Variants in FAM184A observed in about 807,000 individuals in gnomAD.
FAM184A encodes protein FAM184A.
In FAM184A, 99 loss-of-function variants were observed where a neutral mutation model predicts 143.8. The observed-to-expected ratio is 0.69, with a 90% CI of 0.58 to 0.81. FAM184A has a LOEUF of 0.81. Among genes scored for constraint, FAM184A ranks in the 40% least tolerant of loss-of-function variants. FAM184A has a pLI of 0.00. For synonymous variants in FAM184A, 427 were observed against 446.4 expected (o/e 0.96, Z 0.55); for missense variants, 1,217 against 1,310.5 (o/e 0.93, Z 1.10).
intron 9 of FAM184A, among the ~76,000 whole-genome samples, chr6:118,982,144 T>A (rs1261064317): frequency 6.6e-6 from 1 of 152,222 alleles, no homozygotes; most frequent in Non-Finnish European, 1.5e-5. Context: ...TTCTCACCAT[T>A]TTATGCAATG....
chr6:118,972,070 C>T (rs1783713473), intron 14 of FAM184A, among the ~76,000 whole-genome samples: 1 of 152,122 alleles, frequency 6.6e-6, no homozygotes, highest in Non-Finnish European at 1.5e-5. Context: ...TACTGTTTCC[C>T]ACAGCTCCAT....
At chr6:119,095,548 G>A (rs558428668) in intron 1 of FAM184A, among the ~76,000 whole-genome samples, 1 of 152,080 alleles carries the variant, frequency 6.6e-6, no homozygotes, top group South Asian at 2.1e-4. Flanking sequence ...AATAATATAG[G>A]CTTTTATTTT....
chr6:119,055,064 A>G (rs1394308704), intron 1 of FAM184A, among the ~76,000 whole-genome samples: 3 of 152,034 alleles, frequency 2.0e-5, no homozygotes, highest in African/African-American at 7.2e-5. Context: ...CCTTCTCCTC[A>G]CAACCCCTCT....
At chr6:119,015,757 C>T (rs573821669) in intron 5 of FAM184A, among the ~76,000 whole-genome samples, 5 of 152,362 alleles carry the variant, frequency 3.3e-5, no homozygotes, top group East Asian at 1.9e-4. Context: ...AGCCCCGGTG[C>T]GGGATCCACT....
chr6:119,132,738 C>T (rs1217408051), intron 1 of FAM184A, among the ~76,000 whole-genome samples: 1 of 152,238 alleles, frequency 6.6e-6, no homozygotes, highest in Non-Finnish European at 1.5e-5. Flanking sequence ...AACACAGTGA[C>T]CCAAGTCATT....
At chr6:119,116,276 T>A (rs975444897) in intron 1 of FAM184A, among the ~76,000 whole-genome samples, 3 of 151,978 alleles carry the variant, frequency 2.0e-5, no homozygotes, top group Non-Finnish European at 4.4e-5. Flanking sequence ...ATACCGCATG[T>A]CCTCATTTAT....
At chr6:119,130,601 T>C (rs1562162503) in intron 1 of FAM184A, among the ~76,000 whole-genome samples, 2 of 152,198 alleles carry the variant, frequency 1.3e-5, no homozygotes, top group Non-Finnish European at 2.9e-5. Flanking sequence ...ATAAAAAAAT[T>C]AGCAATCTAG....
chr6:118,970,008 A>ATATATATATATATATATATATATTTTTT, intron 14 of FAM184A, among the ~76,000 whole-genome samples: 4 of 19,036 alleles, frequency 2.1e-4, no homozygotes, highest in Non-Finnish European at 4.5e-4. Context: ...ATATATATAT[A>ATATATATATATATATATATATATTTTTT]TTTTTTTTTT....
intron 1 of FAM184A, among the ~76,000 whole-genome samples, chr6:119,047,137 A>G (rs1786568620): frequency 6.6e-6 from 1 of 152,250 alleles, no homozygotes; most frequent in South Asian, 2.1e-4. Context: ...AGTGCTCAAC[A>G]TTATTGATTA....
At chr6:119,106,119 G>T (rs772210409) in intron 1 of FAM184A, among the ~76,000 whole-genome samples, 2 of 152,144 alleles carry the variant, frequency 1.3e-5, no homozygotes, top group Admixed American at 1.3e-4. Flanking sequence ...GATGCCGGGC[G>T]CAGTGGCTCA....
chr6:119,020,351 A>G (rs1157560256), intron 3 of FAM184A, among the ~76,000 whole-genome samples, 192 bp from the exon 4 acceptor site: 1 of 152,368 alleles, frequency 6.6e-6, no homozygotes, highest in East Asian at 1.9e-4. Context: ...GCGCACTAGA[A>G]TAATTTAAAT....
At chr6:119,095,307 G>A (rs6569038) in intron 1 of FAM184A, among the ~76,000 whole-genome samples, 3 of 151,928 alleles carry the variant, frequency 2.0e-5, no homozygotes, top group African/African-American at 2.4e-5. Flanking sequence ...TTTATAAAAC[G>A]TGCTGAAGTC....
intron 1 of FAM184A, among the ~76,000 whole-genome samples, chr6:119,137,310 TAGAGAGAGACAGAG>T (rs1789698255): frequency 7.9e-6 from 1 of 127,130 alleles, no homozygotes; most frequent in Non-Finnish European, 1.9e-5. Context: ...GCACGCCAGA[TAGAGAGAGACAGAG>T]AGAGAGAAGA....
chr6:119,004,562 G>A (rs1416148198), intron 7 of FAM184A, among the ~76,000 whole-genome samples: 1 of 152,144 alleles, frequency 6.6e-6, no homozygotes, highest in Non-Finnish European at 1.5e-5. Context: ...ACATTAAACG[G>A]AGTAGACTGC....
chr6:119,076,464 T>C (rs1787876212), intron 1 of FAM184A, among the ~76,000 whole-genome samples: 1 of 152,140 alleles, frequency 6.6e-6, no homozygotes, highest in South Asian at 2.1e-4. Context: ...AACACCAGCT[T>C]CCGATCAATA....
At chr6:118,992,659 A>C (rs1784414706) in intron 9 of FAM184A, among the ~76,000 whole-genome samples, 1 of 152,160 alleles carries the variant, frequency 6.6e-6, no homozygotes, top group Non-Finnish European at 1.5e-5. Context: ...GGGCAGGCAC[A>C]GTGGCTCATG....
chr6:119,095,053 T>C (rs1788471536), intron 1 of FAM184A, among the ~76,000 whole-genome samples: 1 of 152,298 alleles, frequency 6.6e-6, no homozygotes, highest in African/African-American at 2.4e-5. Context: ...GTGGTGGGAC[T>C]CTGTCAGCAT....
chr6:118,974,471 T>C lies in FAM184A; in HGVS notation c.2872A>G (p.Thr958Ala), dbSNP rs1562456878. The change falls in exon 14 of 18, where the codon ACT becomes GCT. Residue 958 changes from threonine (T) to alanine (A), a missense_variant. By Grantham distance (58) the Thr-to-Ala change is moderately conservative. Transcript: ENST00000338891. The stretch of plus-strand genomic sequence containing the variant: ...TTTATTTCCTTGAGTAGCTCGTTAG[T>C]CTTATTAAAATCTGCCCGCATGATA... ...KNIMRADFNK[T>A]NELLKEINAA... 3 of 1,612,738 alleles carry C rather than the reference T, an allele frequency of 1.9e-6. No individual in the cohort carries two copies. The highest frequency in any genetic ancestry group is 2.5e-6 in the Non-Finnish European group (3 of 1,179,218).
chr6:119,131,324 T>C (rs949387479), intron 1 of FAM184A, among the ~76,000 whole-genome samples: 4 of 141,054 alleles, frequency 2.8e-5, no homozygotes, highest in African/African-American at 1.2e-4. Flanking sequence ...AATTTAAAAA[T>C]ATTGCAAGGC....
Sources: allele counts gnomAD v4.1 joint callset (sites outside exome capture counted in the v4.1 genomes callset), GRCh38; gene constraint gnomAD v4.1.1; transcripts MANE v1.5; gene names NCBI Gene and HGNC (gene_info 2026-07-23, HGNC 2026-07-21).